Variants in SUPT16H observed in about 807,000 individuals in gnomAD.
SUPT16H encodes the protein FACT complex subunit SPT16.
Under a neutral mutation model 136.2 loss-of-function variants are expected in SUPT16H, and 24 were observed. The observed-to-expected ratio is 0.18, with a 90% CI of 0.13 to 0.25. The LOEUF is 0.25. Among genes scored for constraint, SUPT16H ranks in the 10% least tolerant of loss-of-function variants. SUPT16H has a pLI of 1.00. For synonymous variants in SUPT16H, 415 were observed against 428.2 expected (o/e 0.97, Z 0.38); for missense variants, 623 against 1,270.2 (o/e 0.49, Z 7.74).
chr14:21,369,612 GGGA>G (rs1886744192), intron 5 of SUPT16H, 135 bp downstream of exon 5: 2 of 1,166,216 alleles, frequency 1.7e-6, no homozygotes, highest in Non-Finnish European at 2.4e-6. Flanking sequence ...TATTTTGAAA[GGGA>G]GATGATGTAA....
chr14:21,357,902 C>T (rs45540738), intron 21 of SUPT16H, 25 bp downstream of exon 21: 28,304 of 1,604,556 alleles, frequency 0.018, 280 homozygotes, highest in Non-Finnish European at 0.022. Flanking sequence ...AATTTTCTTA[C>T]TAAAAGAAAG....
intron 2 of SUPT16H, chr14:21,372,518 TA>T: frequency 3.1e-6 from 1 of 321,768 alleles, no homozygotes; most frequent in Non-Finnish European, 6.1e-6. Context: ...GGCCAATAGG[TA>T]AAAAATGGTA....
chr14:21,356,745 A>C (rs760290052), intron 22 of SUPT16H, among the ~76,000 whole-genome samples: 46 of 130,086 alleles, frequency 3.5e-4, no homozygotes, highest in Non-Finnish European at 7.9e-4. Flanking sequence ...GTCTCAAACA[A>C]CCACCACCAC....
intron 1 of SUPT16H, among the ~76,000 whole-genome samples, chr14:21,379,949 C>T (rs545251215): frequency 6.6e-6 from 1 of 152,204 alleles, no homozygotes; most frequent in South Asian, 2.1e-4. Context: ...GATAAAGGAG[C>T]TATTAAGAGC....
intron 1 of SUPT16H, among the ~76,000 whole-genome samples, chr14:21,375,219 G>T (rs1886875594): frequency 6.8e-6 from 1 of 147,316 alleles, no homozygotes. Context: ...TCACCATGTT[G>T]GCCAGGCTGG....
At position 21,383,995 on chromosome 14, in the gene SUPT16H, C is replaced by A. The variant is rs970624061; in HGVS notation, c.-68G>T. On this transcript the variant is annotated 5_prime_UTR_variant, in exon 1 of 26. Coordinates refer to ENST00000216297, the MANE Select transcript of SUPT16H (RefSeq NM_007192.4). The stretch of plus-strand genomic sequence containing the variant: ...AGGTCCCGGCTCAGCCACCCGCTCT[C>A]GGCCCAGGAATCCCGCACTCTCCCA... The A allele has an allele frequency of 6.3e-7, 1 of 1,588,082 alleles. No homozygotes were observed.
chr14:21,382,983 G>T (rs1313696224), intron 1 of SUPT16H: 1 of 151,970 alleles, frequency 6.6e-6, no homozygotes, highest in Non-Finnish European at 1.5e-5. Flanking sequence ...CGTTTTTCAG[G>T]TTAAAAAAAA....
At chr14:21,367,943 T>G (rs1420771693) in intron 7 of SUPT16H, among the ~76,000 whole-genome samples, 1 of 152,162 alleles carries the variant, frequency 6.6e-6, no homozygotes, top group Non-Finnish European at 1.5e-5. Context: ...CAGGCTGGAG[T>G]GCAGTGGCGC....
chr14:21,382,924 G>C (rs1887063332), intron 1 of SUPT16H: 1 of 152,106 alleles, frequency 6.6e-6, no homozygotes, highest in Admixed American at 6.5e-5. Flanking sequence ...TGACCAGTTT[G>C]AAAGATAATT....
intron 10 of SUPT16H, 52 bp downstream of exon 10, chr14:21,364,775 G>A (rs536993978): frequency 1.4e-5 from 21 of 1,511,682 alleles, no homozygotes; most frequent in South Asian, 2.3e-5. Flanking sequence ...GTCCACAAAC[G>A]TGCCTCAGAA....
In SUPT16H at chr14:21,352,414, A is replaced by G. The variant is rs1886331084; in HGVS notation, c.*259T>C. 2 of 483,192 alleles carry G rather than the reference A, an allele frequency of 4.1e-6. No individual in the cohort carries two copies. The highest frequency in any genetic ancestry group is 2.5e-5 in the South Asian group (1 of 39,532). The allele number at this position is 483,192 out of a possible 1,614,324, so 29.9% of individuals were successfully genotyped here. A position where few individuals can be genotyped will look rare whatever the true frequency, so the allele number is the denominator to read the frequency against. ...GACAGGAAGAGAGAAGAATGAAACA[A>G]TATTTATTAACAGCGGGAGCCTCCT... On this transcript the variant is annotated 3_prime_UTR_variant, in exon 26 of 26. Transcript: ENST00000216297.
At chr14:21,356,479 G>A (rs184168888) in intron 22 of SUPT16H, among the ~76,000 whole-genome samples, 44 of 152,248 alleles carry the variant, frequency 2.9e-4, no homozygotes, top group Middle Eastern at 3.4e-3. Flanking sequence ...AACTTTTAAA[G>A]GCTGTTCTAA....
chr14:21,383,373 T>A (rs1887081805), intron 1 of SUPT16H: 1 of 480,822 alleles, frequency 2.1e-6, no homozygotes, highest in African/African-American at 2.0e-5. Flanking sequence ...TTTTTTTAAC[T>A]CCAGCAAAAG....
At chr14:21,353,662 A>C (rs3736824) in intron 24 of SUPT16H, 41 bp downstream of exon 24, 651,697 of 1,604,044 alleles carry the variant, frequency 0.41, 137,837 homozygotes, top group South Asian at 0.51. Context: ...AAATGACATT[A>C]GATTAGGAAG....
In SUPT16H at chr14:21,358,347, T is replaced by C. The variant is rs1290803086; in HGVS notation, c.2382A>G (p.Glu794=). The change falls in exon 20 of 26, where the codon GAA becomes GAG. Residue 794 remains glutamate, a synonymous_variant. Transcript: ENST00000216297. ...IEKVEALTKE[E]LEFEVPFRDL... is the part of the protein sequence containing the mutation. The stretch of plus-strand genomic sequence containing the variant: ...CCCTAAAAGGCACTTCAAATTCCAG[T>C]TCCTCCTTAGTTAGAGCCTCTACTT... 2 of 1,613,262 alleles carry C rather than the reference T, an allele frequency of 1.2e-6. No homozygotes were observed. The highest frequency in any genetic ancestry group is 1.7e-6 in the Non-Finnish European group (2 of 1,179,740).
At chr14:21,356,882 C>T (rs991594073) in intron 22 of SUPT16H, among the ~76,000 whole-genome samples, 26 of 152,060 alleles carry the variant, frequency 1.7e-4, no homozygotes, top group African/African-American at 5.6e-4. Flanking sequence ...AATCCTGGTA[C>T]GTTGGGAGAC....
chr14:21,353,639 A>T (rs1216875213), intron 24 of SUPT16H, 64 bp downstream of exon 24: 3 of 1,603,298 alleles, frequency 1.9e-6, no homozygotes, highest in African/African-American at 2.7e-5. Context: ...AGTCTAAAAA[A>T]AGTAGTTTTC....
intron 1 of SUPT16H, among the ~76,000 whole-genome samples, chr14:21,378,520 C>A (rs1886953718): frequency 6.6e-6 from 1 of 152,056 alleles, no homozygotes; most frequent in African/African-American, 2.4e-5. Context: ...AAAATGTTAA[C>A]TGTGTGGGGT....
At chr14:21,357,888 T>G in intron 21 of SUPT16H, 39 bp downstream of exon 21, 1 of 1,577,616 alleles carries the variant, frequency 6.3e-7, no homozygotes, top group Middle Eastern at 1.7e-4. Context: ...TTATTTTCTC[T>G]AACAATTTTC....
Sources: allele counts gnomAD v4.1 joint callset (sites outside exome capture counted in the v4.1 genomes callset), GRCh38; gene constraint gnomAD v4.1.1; transcripts MANE v1.5; gene names NCBI Gene and HGNC (gene_info 2026-07-23, HGNC 2026-07-21).